RBFOX1: variants seen among roughly 807,000 people sequenced by gnomAD.
The protein encoded by RBFOX1 is RNA binding fox-1 homolog 1, also known as RNA binding protein fox-1 homolog 1.
Under a neutral mutation model 57.7 loss-of-function variants are expected in RBFOX1, and 8 were observed. That is an observed-to-expected ratio of 0.14 (90% confidence interval 0.08 to 0.25). The LOEUF is 0.25. Among genes scored for constraint, RBFOX1 ranks in the 10% least tolerant of loss-of-function variants. The pLI, the probability that RBFOX1 is intolerant of heterozygous loss-of-function variation, is 1.00. For missense variants in RBFOX1, 611 were observed against 548.5 expected, an observed-to-expected ratio of 1.11 and a Z score of -1.14; for synonymous variants, 326 against 222.4, an observed-to-expected ratio of 1.47 and a Z score of -4.15.
At chr16:5,375,113 A>T (rs2065952127) in intron 1 of RBFOX1, among the ~76,000 whole-genome samples, 1 of 142,284 alleles carries the variant, frequency 7.0e-6, no homozygotes, top group East Asian at 2.0e-4. Context: ...AAAAAAAAAA[A>T]TAGGTGTGCG....
intron 1 of RBFOX1, among the ~76,000 whole-genome samples, chr16:5,290,410 A>G (rs2063504755): frequency 6.6e-6 from 1 of 152,166 alleles, no homozygotes; most frequent in African/African-American, 2.4e-5. Flanking sequence ...GGTACCTGCT[A>G]ATGGATACAG....
At chr16:5,286,588 G>C (rs552628212) in intron 1 of RBFOX1, among the ~76,000 whole-genome samples, 1 of 152,298 alleles carries the variant, frequency 6.6e-6, no homozygotes, top group African/African-American at 2.4e-5. Context: ...GAAGAAGGGG[G>C]AATTCCCTCA....
intron 2 of RBFOX1, among the ~76,000 whole-genome samples, chr16:6,611,096 A>C (rs1046680439): frequency 2.0e-5 from 3 of 152,324 alleles, no homozygotes; most frequent in Middle Eastern, 3.4e-3. Context: ...AACCAACAGG[A>C]ACCCATAAAT....
intron 1 of RBFOX1, among the ~76,000 whole-genome samples, chr16:5,362,326 G>A (rs1271857040): frequency 6.6e-6 from 1 of 152,076 alleles, no homozygotes; most frequent in Non-Finnish European, 1.5e-5. Context: ...GAGTGTCTGG[G>A]ACTACAGGTG....
chr16:6,808,051 C>T (rs552543684), intron 3 of RBFOX1, among the ~76,000 whole-genome samples: 29 of 149,268 alleles, frequency 1.9e-4, no homozygotes, highest in African/African-American at 6.9e-4. Flanking sequence ...TATATACTAT[C>T]CTATACAATA....
rs551170558 is a variant in RBFOX1 at position 5,790,342 on chromosome 16, C to T, written c.319-76961C>T. On this transcript the variant is annotated intron_variant, in intron 3 of 19. Coordinates refer to the RBFOX1 transcript ENST00000641259. The stretch of plus-strand genomic sequence containing the variant: ...AAAGGCTTGCCAGAGGGAGAAACCC[C>T]TGCATTTTCCATTGTCCAAGGTGCA... 3.3e-5 allele frequency among the ~76,000 whole-genome samples: 5 copies of T among 152,192 alleles called. No individual in the cohort carries two copies. In the South Asian group the frequency reaches 1.0e-3, roughly 32 times the overall value.
intron 4 of RBFOX1, among the ~76,000 whole-genome samples, chr16:7,107,928 A>G (rs2063904056): frequency 6.6e-6 from 1 of 151,836 alleles, no homozygotes; most frequent in Non-Finnish European, 1.5e-5. Flanking sequence ...TGAAAAAGGC[A>G]GAGTTTACCT....
intron 4 of RBFOX1, among the ~76,000 whole-genome samples, chr16:7,160,276 T>C (rs555608960): frequency 6.6e-6 from 1 of 152,160 alleles, no homozygotes; most frequent in Non-Finnish European, 1.5e-5. Context: ...TCTTCCTGTC[T>C]TTGGCAGGTT....
At chr16:6,018,558 G>C (rs977676120), upstream of RBFOX1, among the ~76,000 whole-genome samples, 5 of 152,144 alleles carry the variant, frequency 3.3e-5, no homozygotes, top group South Asian at 2.1e-4. Context: ...CAGCTGTGCG[G>C]GGTGGGGGCG....
chr16:7,700,056 C>G (rs530630397), intron 14 of RBFOX1, among the ~76,000 whole-genome samples: 3 of 152,182 alleles, frequency 2.0e-5, no homozygotes, highest in South Asian at 4.1e-4. Flanking sequence ...CCAGAACCTC[C>G]CTACTTCTCA....
chr16:6,036,478 T>C (rs1034440893), intron 1 of RBFOX1, among the ~76,000 whole-genome samples: 2 of 152,218 alleles, frequency 1.3e-5, no homozygotes, highest in African/African-American at 4.8e-5. Flanking sequence ...TTTGGTTTAG[T>C]AACTTGATGA....
intron 4 of RBFOX1, among the ~76,000 whole-genome samples, chr16:5,924,328 C>T (rs1036313166): frequency 6.6e-6 from 1 of 152,146 alleles, no homozygotes; most frequent in Non-Finnish European, 1.5e-5. Context: ...CCCCTCCAAA[C>T]CTCATGTTAA....
At chr16:6,203,038 A>C (rs2097225971) in intron 1 of RBFOX1, among the ~76,000 whole-genome samples, 1 of 152,020 alleles carries the variant, frequency 6.6e-6, no homozygotes, top group Admixed American at 6.6e-5. Context: ...AGCTTCCCAG[A>C]GTGCTGAGAT....
intron 3 of RBFOX1, among the ~76,000 whole-genome samples, chr16:5,687,896 C>T (rs1256198020): frequency 1.3e-5 from 2 of 152,098 alleles, no homozygotes; most frequent in African/African-American, 4.8e-5. Flanking sequence ...ATAAACAAAG[C>T]AGACTCTGCT....
At chr16:5,411,233 C>G (rs976204492) in intron 1 of RBFOX1, among the ~76,000 whole-genome samples, 3 of 152,222 alleles carry the variant, frequency 2.0e-5, no homozygotes, top group Non-Finnish European at 4.4e-5. Context: ...GCGAAAGGGA[C>G]TTTGCATGTA....
chr16:6,354,687 C>T (rs916080885), intron 2 of RBFOX1, among the ~76,000 whole-genome samples: 13 of 152,132 alleles, frequency 8.5e-5, no homozygotes, highest in African/African-American at 3.1e-4. Context: ...AGAGTTTTTG[C>T]ACAGGCCGTT....
intron 4 of RBFOX1, among the ~76,000 whole-genome samples, chr16:7,326,062 G>A (rs759492865): frequency 6.6e-6 from 1 of 152,144 alleles, no homozygotes; most frequent in East Asian, 1.9e-4. Context: ...CACACATTCT[G>A]TTGTTTAACC....
chr16:6,526,702 C>T (rs1362656476), intron 2 of RBFOX1, among the ~76,000 whole-genome samples: 4 of 151,364 alleles, frequency 2.6e-5, no homozygotes, highest in African/African-American at 7.3e-5. Context: ...TGGTGGTGGG[C>T]ACCTGTAGTC....
chr16:7,200,623 C>G (rs2088118464), intron 4 of RBFOX1, among the ~76,000 whole-genome samples: 1 of 152,172 alleles, frequency 6.6e-6, no homozygotes, highest in African/African-American at 2.4e-5. Context: ...CCCTTTATGC[C>G]TTCTTTTAAA....
Sources: allele counts gnomAD v4.1 joint callset (sites outside exome capture counted in the v4.1 genomes callset), GRCh38; gene constraint gnomAD v4.1.1; transcripts MANE v1.5; gene names NCBI Gene and HGNC (gene_info 2026-07-23, HGNC 2026-07-21).